Variants in RBMS3 observed in about 807,000 individuals in gnomAD.
RBMS3 encodes RNA-binding motif, single-stranded-interacting protein 3.
Under a neutral mutation model 66.8 loss-of-function variants are expected in RBMS3, and 27 were observed. That is an observed-to-expected ratio of 0.40 (90% CI 0.30 to 0.56). RBMS3 has a LOEUF of 0.56. Among genes scored for constraint, RBMS3 ranks in the 20% least tolerant of loss-of-function variants. The pLI, the probability that RBMS3 is intolerant of heterozygous loss-of-function variation, is 0.40. For synonymous variants in RBMS3, 188 were observed against 183.0 expected (o/e 1.03, Z -0.22); for missense variants, 513 against 549.5 (o/e 0.93, Z 0.66).
intron 1 of RBMS3, among the ~76,000 whole-genome samples, chr3:29,389,478 C>T (rs1485985087): frequency 6.6e-6 from 1 of 152,132 alleles, no homozygotes; most frequent in Non-Finnish European, 1.5e-5. Context: ...ATGCATTGAA[C>T]ATCCTTAGGC....
At chr3:29,905,198 A>T (rs2060347767) in intron 10 of RBMS3, among the ~76,000 whole-genome samples, 1 of 152,038 alleles carries the variant, frequency 6.6e-6, no homozygotes, top group South Asian at 2.1e-4. Flanking sequence ...GTGTGCCTTG[A>T]GTTCCAATAA....
chr3:29,816,774 G>A (rs1402207474), intron 6 of RBMS3, among the ~76,000 whole-genome samples: 1 of 152,086 alleles, frequency 6.6e-6, no homozygotes, highest in African/African-American at 2.4e-5. Context: ...AGACATGCTT[G>A]ATCCCAACTG....
chr3:29,955,190 T>A (rs1695947032), intron 12 of RBMS3, among the ~76,000 whole-genome samples: 1 of 151,930 alleles, frequency 6.6e-6, no homozygotes, highest in Non-Finnish European at 1.5e-5. Context: ...CTAAAATTTC[T>A]CTGACAGAAA....
intron 4 of RBMS3, among the ~76,000 whole-genome samples, chr3:29,678,675 C>T (rs1360296828): frequency 6.6e-6 from 1 of 152,012 alleles, no homozygotes; most frequent in Admixed American, 6.6e-5. Context: ...TTTTGTCACC[C>T]ATGAGGAGGC....
intron 4 of RBMS3, among the ~76,000 whole-genome samples, chr3:29,699,549 TTC>T (rs1424793049): frequency 2.6e-5 from 4 of 152,228 alleles, no homozygotes; most frequent in African/African-American, 9.6e-5. Flanking sequence ...CCAGCTTTTG[TTC>T]TGTTTGCACA....
intron 1 of RBMS3, among the ~76,000 whole-genome samples, chr3:29,372,121 A>G (rs571568265): frequency 3.3e-5 from 5 of 151,260 alleles, no homozygotes; most frequent in East Asian, 3.9e-4. Context: ...TTAGAATGCA[A>G]GTTCAAAGGT....
chr3:29,686,218 A>T (rs1031178378), intron 4 of RBMS3, among the ~76,000 whole-genome samples: 2 of 152,152 alleles, frequency 1.3e-5, no homozygotes, highest in African/African-American at 4.8e-5. Flanking sequence ...CTATTACTCT[A>T]ATCAGTACAT....
intron 6 of RBMS3, among the ~76,000 whole-genome samples, chr3:29,813,364 T>C (rs975694851): frequency 6.6e-6 from 1 of 152,168 alleles, no homozygotes; most frequent in African/African-American, 2.4e-5. Flanking sequence ...GTTAGGATGT[T>C]TTACTAAGAA....
chr3:29,991,707 T>TA (rs141896449), intron 14 of RBMS3: 22,664 of 147,704 alleles, frequency 0.15, 1,907 homozygotes, highest in Middle Eastern at 0.23. Flanking sequence ...CTGCAGCCAT[T>TA]AAAAAAAAAA....
intron 3 of RBMS3, among the ~76,000 whole-genome samples, chr3:29,493,547 A>G (rs2043628856): frequency 6.6e-6 from 1 of 152,156 alleles, no homozygotes; most frequent in Admixed American, 6.5e-5. Flanking sequence ...CAAGACAAAA[A>G]TGTTTGTTTT....
intron 7 of RBMS3, among the ~76,000 whole-genome samples, chr3:29,883,795 G>T (rs2059791441): frequency 6.6e-6 from 1 of 151,800 alleles, no homozygotes; most frequent in African/African-American, 2.4e-5. Flanking sequence ...TATCCTAACT[G>T]CAGGATTCGT....
At chr3:29,965,311 A>G (rs535242470) in intron 12 of RBMS3, among the ~76,000 whole-genome samples, 1 of 152,202 alleles carries the variant, frequency 6.6e-6, no homozygotes, top group African/African-American at 2.4e-5. Context: ...ACTGTTTTCC[A>G]TAGCAGCTTT....
At chr3:29,777,445 C>G (rs1323530271) in intron 6 of RBMS3, among the ~76,000 whole-genome samples, 1 of 151,888 alleles carries the variant, frequency 6.6e-6, no homozygotes, top group Non-Finnish European at 1.5e-5. Flanking sequence ...CCTTAATTCT[C>G]TCTTAATGCG....
intron 3 of RBMS3, among the ~76,000 whole-genome samples, chr3:29,554,192 A>T (rs1024746254): frequency 3.9e-5 from 6 of 152,212 alleles, no homozygotes; most frequent in African/African-American, 1.4e-4. Context: ...ATTTAACTTA[A>T]CATTACATCC....
chr3:29,355,778 G>A (rs2037191565), intron 1 of RBMS3, among the ~76,000 whole-genome samples: 1 of 151,924 alleles, frequency 6.6e-6, no homozygotes, highest in Admixed American at 6.6e-5. Flanking sequence ...AAATCATAGT[G>A]GAAATTACAT....
intron 7 of RBMS3, among the ~76,000 whole-genome samples, chr3:29,873,818 A>T (rs184933114): frequency 4.9e-4 from 74 of 152,294 alleles, no homozygotes; most frequent in African/African-American, 1.6e-3. Context: ...ATTTATTGAA[A>T]TTCTTTTCTG....
chr3:29,341,269 T>G (rs1249425665), intron 1 of RBMS3, among the ~76,000 whole-genome samples: 1 of 151,964 alleles, frequency 6.6e-6, no homozygotes, highest in Non-Finnish European at 1.5e-5. Context: ...AATCAAAATG[T>G]TTTGTATATT....
At chr3:29,851,326 C>G (rs1198233890) in intron 6 of RBMS3, among the ~76,000 whole-genome samples, 2 of 152,118 alleles carry the variant, frequency 1.3e-5, no homozygotes, top group East Asian at 3.9e-4. Flanking sequence ...AGGCTGCAAT[C>G]ACTGAAGATT....
At chr3:29,547,807 A>ATTTTTTT in intron 3 of RBMS3, among the ~76,000 whole-genome samples, 1 of 93,298 alleles carries the variant, frequency 1.1e-5, no homozygotes, top group Non-Finnish European at 2.1e-5. Context: ...TTGTGGATTG[A>ATTTTTTT]TTTTTTTTTT....
Sources: allele counts gnomAD v4.1 joint callset (sites outside exome capture counted in the v4.1 genomes callset), GRCh38; gene constraint gnomAD v4.1.1; transcripts MANE v1.5; gene names NCBI Gene and HGNC (gene_info 2026-07-23, HGNC 2026-07-21).